Variants in CDKAL1 observed in about 807,000 individuals in gnomAD.
CDKAL1 encodes threonylcarbamoyladenosine tRNA methylthiotransferase.
A neutral mutation model predicts 68.2 loss-of-function variants in CDKAL1; 32 were observed. The ratio of observed to expected loss-of-function variants is 0.47; its 90% confidence interval spans 0.35 to 0.63. The LOEUF is 0.63. Ranked by LOEUF, CDKAL1 falls within the 30% of genes least tolerant of loss-of-function variation. The pLI, the probability that CDKAL1 is intolerant of heterozygous loss-of-function variation, is 0.00. For missense variants in CDKAL1, 606 were observed against 696.7 expected (o/e 0.87, Z 1.47); for synonymous variants, 234 against 244.3 (o/e 0.96, Z 0.39).
chr6:21,138,689 A>C (rs1470999675), intron 13 of CDKAL1, among the ~76,000 whole-genome samples: 2 of 152,216 alleles, frequency 1.3e-5, no homozygotes, highest in African/African-American at 2.4e-5. Flanking sequence ...AGACACTTGG[A>C]AATGCTGAAT....
intron 9 of CDKAL1, among the ~76,000 whole-genome samples, chr6:20,947,754 A>G (rs1764320976): frequency 6.6e-6 from 1 of 152,214 alleles, no homozygotes. Flanking sequence ...AGCCTATTTT[A>G]TAATATAGTG....
At chr6:20,620,186 G>A (rs552148500) in intron 4 of CDKAL1, among the ~76,000 whole-genome samples, 1 of 152,280 alleles carries the variant, frequency 6.6e-6, no homozygotes, top group South Asian at 2.1e-4. Context: ...GCTTATACTG[G>A]AGAAAAGAAA....
intron 13 of CDKAL1, among the ~76,000 whole-genome samples, chr6:21,128,279 G>A (rs1034054169): frequency 6.6e-6 from 1 of 152,196 alleles, no homozygotes; most frequent in African/African-American, 2.4e-5. Flanking sequence ...AGTGTTCTGA[G>A]CATGTTTAAG....
intron 5 of CDKAL1, among the ~76,000 whole-genome samples, chr6:20,677,971 C>T (rs1374718160): frequency 6.6e-6 from 1 of 151,926 alleles, no homozygotes; most frequent in Non-Finnish European, 1.5e-5. Flanking sequence ...TAAAGAGCTT[C>T]CTGATGTCCT....
intron 5 of CDKAL1, among the ~76,000 whole-genome samples, chr6:20,695,971 C>T (rs1037900624): frequency 5.9e-5 from 9 of 152,206 alleles, no homozygotes; most frequent in African/African-American, 2.2e-4. Context: ...AACGACGATT[C>T]TACTTTCTGC....
At chr6:21,227,436 ATAT>A (rs888577364) in intron 15 of CDKAL1, among the ~76,000 whole-genome samples, 1 of 152,250 alleles carries the variant, frequency 6.6e-6, no homozygotes, top group African/African-American at 2.4e-5. Flanking sequence ...AACTTTAAAA[ATAT>A]TATGTTTAAA....
chr6:21,230,169 T>G (rs72838053), intron 15 of CDKAL1, among the ~76,000 whole-genome samples: 4,096 of 152,180 alleles, frequency 0.027, 60 homozygotes, highest in East Asian at 0.047. Context: ...TTGGTTGGTT[T>G]GTTTGTTTTT....
intron 15 of CDKAL1, among the ~76,000 whole-genome samples, chr6:21,224,466 A>AC (rs1779655216): frequency 6.6e-6 from 1 of 152,184 alleles, no homozygotes; most frequent in Admixed American, 6.5e-5. Context: ...GTAAGCCGAG[A>AC]TTGCGCCACT....
chr6:20,617,282 C>T (rs113508082), intron 4 of CDKAL1, among the ~76,000 whole-genome samples: 4 of 137,274 alleles, frequency 2.9e-5, no homozygotes, highest in African/African-American at 1.0e-4. Flanking sequence ...AGATGATTTT[C>T]CTAGGGGGCC....
intron 5 of CDKAL1, among the ~76,000 whole-genome samples, chr6:20,697,020 TG>T (rs1224177032): frequency 6.6e-6 from 1 of 152,174 alleles, no homozygotes; most frequent in African/African-American, 2.4e-5. Flanking sequence ...GGAGCATTGC[TG>T]GTCACTATAT....
intron 6 of CDKAL1, among the ~76,000 whole-genome samples, chr6:20,757,386 A>G (rs1044636682): frequency 6.6e-6 from 1 of 152,196 alleles, no homozygotes; most frequent in Non-Finnish European, 1.5e-5. Context: ...ACAGAGAGAT[A>G]GTAAGGTGAA....
At chr6:20,620,811 T>C (rs2127732676) in intron 4 of CDKAL1, among the ~76,000 whole-genome samples, 1 of 152,270 alleles carries the variant, frequency 6.6e-6, no homozygotes, top group African/African-American at 2.4e-5. Flanking sequence ...GGAATGCTCC[T>C]ATAGGTGCCT....
At chr6:20,704,590 A>G (rs1562039433) in intron 5 of CDKAL1, among the ~76,000 whole-genome samples, 2 of 152,166 alleles carry the variant, frequency 1.3e-5, no homozygotes, top group Non-Finnish European at 2.9e-5. Flanking sequence ...TTTTCTACTT[A>G]ATGAATAGCT....
chr6:20,551,160 C>T (rs1227076790), intron 4 of CDKAL1, among the ~76,000 whole-genome samples: 2 of 151,552 alleles, frequency 1.3e-5, no homozygotes, highest in Middle Eastern at 3.2e-3. Context: ...CCACTGTGCT[C>T]GGCCTGAGAG....
chr6:21,100,815 AT>A (rs2150983014), intron 12 of CDKAL1, among the ~76,000 whole-genome samples: 2 of 152,308 alleles, frequency 1.3e-5, no homozygotes, highest in East Asian at 3.9e-4. Flanking sequence ...TTGATCTTAA[AT>A]GAGTATTATC....
At chr6:20,544,029 C>T (rs527772704) in intron 2 of CDKAL1, among the ~76,000 whole-genome samples, 6 of 152,112 alleles carry the variant, frequency 3.9e-5, no homozygotes, top group East Asian at 1.9e-4. Context: ...TGAGCCACTG[C>T]GCCCAGCCTA....
At chr6:20,647,023 G>A (rs1038043982) in intron 4 of CDKAL1, among the ~76,000 whole-genome samples, 6 of 152,306 alleles carry the variant, frequency 3.9e-5, no homozygotes, top group Admixed American at 3.3e-4. Context: ...GGGATTACAG[G>A]CGTGAGCACC....
intron 4 of CDKAL1, among the ~76,000 whole-genome samples, chr6:20,561,446 GAAAAAAAAA>G (rs55750789): frequency 0.017 from 1,344 of 79,746 alleles, 11 homozygotes; most frequent in African/African-American, 0.059. Context: ...TCTCAAAAAA[GAAAAAAAAA>G]AAAAAAAAAA....
intron 9 of CDKAL1, among the ~76,000 whole-genome samples, chr6:20,898,476 C>T (rs1378945756): frequency 6.7e-6 from 1 of 149,984 alleles, no homozygotes; most frequent in Non-Finnish European, 1.5e-5. Flanking sequence ...CAGTGGCCTC[C>T]TGCTTAGGCT....
Sources: gnomAD v4.1 joint callset for allele counts (sites outside exome capture counted in the v4.1 genomes callset) on GRCh38, gnomAD v4.1.1 for gene constraint, MANE v1.5 for transcripts, NCBI Gene and HGNC (gene_info 2026-07-23, HGNC 2026-07-21) for gene names.